The following BEND3 variants were observed in gnomAD, a reference collection of about 807,000 sequenced individuals.
BEND3 encodes the protein BEN domain containing 3.
A neutral mutation model predicts 60.1 loss-of-function variants in BEND3; 13 were observed. The observed-to-expected ratio is 0.22, with a 90% confidence interval of 0.14 to 0.34. The LOEUF is 0.34. BEND3 is among the 10% of genes least tolerant of loss of function. BEND3 has a pLI of 1.00. For missense variants in BEND3, 896 were observed against 1,138.1 expected (o/e 0.79, Z 3.06); for synonymous variants, 497 against 491.5 (o/e 1.01, Z -0.15).
chr6:107,111,083 T>C (rs1770070517), intron 1 of BEND3, among the ~76,000 whole-genome samples: 1 of 152,000 alleles, frequency 6.6e-6, no homozygotes, highest in Admixed American at 6.5e-5. Flanking sequence ...GAGGATCGCT[T>C]GAGCCCGGGA....
At chr6:107,102,584 A>G (rs1775724347) in intron 1 of BEND3, among the ~76,000 whole-genome samples, 1 of 152,224 alleles carries the variant, frequency 6.6e-6, no homozygotes, top group African/African-American at 2.4e-5. Context: ...TTCCGTGTCC[A>G]TTTATAGACT....
In BEND3 at chr6:107,113,504, A is replaced by G. The variant is rs559779141; in HGVS notation, c.-12+1586T>C. 5.3e-5 allele frequency among the ~76,000 whole-genome samples: 8 copies of G among 150,972 alleles called. No individual in the cohort carries two copies. In the East Asian group the frequency reaches 1.6e-3, roughly 29 times the overall value. On this transcript the variant is annotated intron_variant, in intron 1 of 3. Coordinates refer to ENST00000369042, the MANE Select transcript of BEND3 (RefSeq NM_001367314.1). Reference sequence around the variant, plus strand: ...CAGGAGGTTGATGTGACAGATTTCAAGGGCCACACAGACACCAGCTAACCC... The same window carrying G: ...CAGGAGGTTGATGTGACAGATTTCAGGGGCCACACAGACACCAGCTAACCC...
intron 1 of BEND3, 114 bp from the exon 2 acceptor site, chr6:107,099,410 A>T: frequency 2.4e-6 from 2 of 838,288 alleles, no homozygotes; most frequent in South Asian, 1.6e-5. Flanking sequence ...GTAACAGAGC[A>T]GCACAGCACT....
chr6:107,070,606 C>T lies in BEND3; in HGVS notation c.585G>A (p.Leu195=), dbSNP rs1774953841. 1 of 1,612,436 alleles carries T rather than the reference C, an allele frequency of 6.2e-7. No homozygotes were observed. Among genetic ancestry groups the T allele is most frequent in the East Asian group, 2.2e-5 (1 of 44,882 alleles). ...GTDNDPNIYF[L]IQKMFYMLNT... ...TCAGCATGTAGAACATCTTCTGGAT[C>T]AGGAAGTAGATGTTGGGGTCGTTGT... The change falls in exon 4 of 4, where the codon CTG becomes CTA. Residue 195 remains leucine (L), a synonymous_variant. Coordinates refer to ENST00000369042, the MANE Select transcript of BEND3 (RefSeq NM_001367314.1). This position sits in a 1 kb window ranked among gnomAD's most constrained non-coding sequence, Gnocchi z 6.9.
chr6:107,069,346 G>T lies in BEND3; in HGVS notation c.1845C>A (p.Arg615=). 1 of 1,612,960 alleles carries T rather than the reference G, an allele frequency of 6.2e-7. No individual in the cohort carries two copies. Residue 615 remains arginine (R), a synonymous_variant, in exon 4 of 4, where the codon CGC becomes CGA. Transcript: ENST00000369042. ...GTGGGTAGAGCAGCTGCACGTAGTGGCGGATGAGCTTGATGCGGGAGGGGT... is the reference window on the plus strand; with the variant it reads ...GTGGGTAGAGCAGCTGCACGTAGTGTCGGATGAGCTTGATGCGGGAGGGGT... ...QLDPSRIKLI[R]HYVQLLYPRA... is the part of the protein sequence containing the mutation.
chr6:107,087,698 C>T (rs200413213), intron 3 of BEND3, among the ~76,000 whole-genome samples: 18 of 150,818 alleles, frequency 1.2e-4, no homozygotes, highest in Non-Finnish European at 2.4e-4. Flanking sequence ...GATTGTGCCA[C>T]TGCACTCCAG....
At position 107,069,768 on chromosome 6, in the gene BEND3, G is replaced by T; in HGVS notation, c.1423C>A (p.Arg475Ser). The T allele has an allele frequency of 1.2e-6, 2 of 1,612,746 alleles. No homozygotes were observed. The highest frequency in any genetic ancestry group is 2.2e-5 in the South Asian group (2 of 91,066). Residue 475 changes from arginine (R) to serine (S), a missense_variant, in exon 4 of 4, where the codon CGC becomes AGC. Arg to Ser is a moderately radical substitution (Grantham distance 110, BLOSUM62 -1). Coordinates refer to ENST00000369042, the MANE Select transcript of BEND3 (RefSeq NM_001367314.1). ...AGGCCCTCGAGCTCGTCGTTGATGCGCTGGGCACACTGCTGCAGCCAGGCC... is the reference window on the plus strand; with the variant it reads ...AGGCCCTCGAGCTCGTCGTTGATGCTCTGGGCACACTGCTGCAGCCAGGCC... Reference protein sequence around the residue: ...EEAWLQQCAQRINDELEGLGL... With the variant: ...EEAWLQQCAQSINDELEGLGL...
chr6:107,076,278 C>G (rs1295281678), intron 3 of BEND3, among the ~76,000 whole-genome samples: 3 of 152,186 alleles, frequency 2.0e-5, no homozygotes, highest in Non-Finnish European at 4.4e-5. Flanking sequence ...CTACTTGGCA[C>G]TGGGTAGGAC....
At chr6:107,086,997 T>G (rs1408478504) in intron 3 of BEND3, among the ~76,000 whole-genome samples, 5 of 121,388 alleles carry the variant, frequency 4.1e-5, no homozygotes, top group African/African-American at 1.6e-4. Flanking sequence ...TATACTCCAG[T>G]TTGGGCGACA....
chr6:107,069,617 C>T lies in BEND3; in HGVS notation c.1574G>A (p.Arg525His), dbSNP rs782120004. 20 of 1,611,388 alleles carry T rather than the reference C, an allele frequency of 1.2e-5. No homozygotes were observed. Among genetic ancestry groups the T allele is most frequent in the South Asian group, 3.3e-5 (3 of 91,082 alleles). The change falls in exon 4 of 4, where the codon CGC (arginine) becomes CAC (histidine). Residue 525 changes from arginine to histidine, a missense_variant. Physicochemically the swap from Arg to His is conservative, Grantham distance 29 (BLOSUM62 0). Coordinates refer to ENST00000369042, the MANE Select transcript of BEND3 (RefSeq NM_001367314.1). ...DSFEGERPGR[R>H]SKKIWLVPID... ...GGGCACCAGCCAGATCTTCTTGGAG[C>T]GGCGACCCGGCCGCTCGCCCTCGAA...
intron 3 of BEND3, among the ~76,000 whole-genome samples, chr6:107,074,091 C>G (rs1202381589): frequency 1.3e-5 from 2 of 152,160 alleles, no homozygotes; most frequent in African/African-American, 4.8e-5. Flanking sequence ...ACACACAGCA[C>G]TGAGTCTATC....
At chr6:107,072,582 G>A (rs1014798518) in intron 3 of BEND3, among the ~76,000 whole-genome samples, 1 of 152,200 alleles carries the variant, frequency 6.6e-6, no homozygotes, top group African/African-American at 2.4e-5. Flanking sequence ...TACAGCAAGT[G>A]AGCTATATGA....
At position 107,065,902 on chromosome 6, in the gene BEND3, TTTG is replaced by T. The variant is rs1277831848; in HGVS notation, c.*2799_*2801del. 3 of 152,276 alleles carry T rather than the reference TTTG, an allele frequency of 2.0e-5. No individual in the cohort carries two copies. Among genetic ancestry groups the T allele is most frequent in the African/African-American group, 7.2e-5 (3 of 41,410 alleles). 9.4% of individuals were successfully genotyped at this position (152,276 alleles called of 1,614,324 possible). On this transcript the variant is annotated 3_prime_UTR_variant, in exon 4 of 4. Transcript: ENST00000369042. ...ACACGACTTTATTCCCTGTCAAACA[TTTG>T]TTGTCCTGTAGACACAGCCAAGGTG...
At chr6:107,101,684 A>G (rs1554236763) in intron 1 of BEND3, among the ~76,000 whole-genome samples, 1 of 152,184 alleles carries the variant, frequency 6.6e-6, no homozygotes, top group African/African-American at 2.4e-5. Context: ...AACTCCTTCC[A>G]CTGTATTTCA....
In BEND3 at chr6:107,097,223, C is replaced by T. The variant is rs529887077; in HGVS notation, c.240+1328G>A. ...CTCTACTAAAAATACAAAAATTAGC[C>T]GGGCGTGGTGGCACACGCTTATAAT... On this transcript the variant is annotated intron_variant, in intron 3 of 3. Transcript: ENST00000369042. Among the ~76,000 whole-genome samples the T allele has an allele frequency of 1.9e-4, 28 of 151,316 alleles. No homozygotes were observed. The East Asian group carries it at 2.4e-3, about 13-fold the overall frequency.
chr6:107,070,876 G>A lies in BEND3; in HGVS notation c.315C>T (p.Gly105=). Residue 105 remains glycine (G), a synonymous_variant, in exon 4 of 4, where the codon GGC becomes GGT. Coordinates refer to ENST00000369042, the MANE Select transcript of BEND3 (RefSeq NM_001367314.1). The surrounding 1 kb of genome is among the most constrained non-coding windows in gnomAD (Gnocchi z 6.9). ...CAGGCCACACATTGCCCAGGCTCCT[G>A]CCCCTGCCGGCCTGCTCACCATTGC... ...CQGNGEQAGR[G]RSLGNVWPGE... is the part of the protein sequence containing the mutation. 1 of 1,613,868 alleles carries A rather than the reference G, an allele frequency of 6.2e-7. No homozygotes were observed. Among genetic ancestry groups the A allele is most frequent in the Non-Finnish European group, 8.5e-7 (1 of 1,180,022 alleles).
chr6:107,080,366 A>C (rs1383376948), intron 3 of BEND3, among the ~76,000 whole-genome samples: 4 of 149,498 alleles, frequency 2.7e-5, no homozygotes, highest in East Asian at 1.9e-4. Context: ...AAAAAAAAAA[A>C]AAAAAAAAAA....
chr6:107,082,152 C>G (rs782458169), intron 3 of BEND3, among the ~76,000 whole-genome samples: 1 of 152,182 alleles, frequency 6.6e-6, no homozygotes, highest in Non-Finnish European at 1.5e-5. Context: ...CTTTGGCCAA[C>G]AGGACACTAG....
In BEND3 at chr6:107,068,699, G is replaced by T; in HGVS notation, c.*5C>A. 6.2e-7 allele frequency: 1 copy of T among 1,610,944 alleles called. No individual in the cohort carries two copies. The highest frequency in any genetic ancestry group is 2.2e-5 in the East Asian group (1 of 44,876). On this transcript the variant is annotated 3_prime_UTR_variant, in exon 4 of 4. Coordinates refer to ENST00000369042, the MANE Select transcript of BEND3 (RefSeq NM_001367314.1). This position sits in a 1 kb window ranked among gnomAD's most constrained non-coding sequence, Gnocchi z 5.8. ...ACCCCGAATCTCTGGGCAGGTCACG[G>T]GCCTTCACTTCTCCACTTTCTTTGC...
Sources: gnomAD v4.1 joint callset for allele counts (sites outside exome capture counted in the v4.1 genomes callset) on GRCh38, gnomAD v4.1.1 for gene constraint, Gnocchi (gnomAD v3.1) non-coding constraint, MANE v1.5 for transcripts, NCBI Gene and HGNC (gene_info 2026-07-23, HGNC 2026-07-21) for gene names.